The following CIBAR2 variants were observed in gnomAD, a reference collection of about 807,000 sequenced individuals.
CIBAR2 encodes the protein CBY1 interacting BAR domain containing 2.
Under a neutral mutation model 36.2 loss-of-function variants are expected in CIBAR2, and 38 were observed. The ratio of observed to expected loss-of-function variants is 1.05; its 90% CI spans 0.81 to 1.38. The LOEUF is 1.38. Among genes scored for constraint, CIBAR2 ranks in the 40% most tolerant of loss-of-function variants. The pLI is 0.00. For missense variants in CIBAR2, 481 were observed against 383.4 expected (o/e 1.25, Z -2.13); for synonymous variants, 182 against 149.5 (o/e 1.22, Z -1.58).
chr16:85,108,189 C>T (rs902966304), intron 2 of CIBAR2, 90 bp from the exon 3 acceptor site: 21 of 1,259,824 alleles, frequency 1.7e-5, no homozygotes, highest in South Asian at 1.5e-4. Context: ...ACCCGGGAGC[C>T]GCGTGTCCAG....
intron 5 of CIBAR2, among the ~76,000 whole-genome samples, chr16:85,106,588 A>T (rs2073997533): frequency 6.6e-6 from 1 of 152,080 alleles, no homozygotes; most frequent in South Asian, 2.1e-4. Flanking sequence ...AGGGGCCATG[A>T]GCCAAGGGAT....
intron 6 of CIBAR2, 119 bp from the exon 7 acceptor site, chr16:85,102,446 A>G: frequency 1.5e-6 from 1 of 671,326 alleles, no homozygotes; most frequent in Non-Finnish European, 2.7e-6. Context: ...GACAGGCCCC[A>G]GGTGGGGAGT....
intron 2 of CIBAR2, among the ~76,000 whole-genome samples, chr16:85,108,342 G>C (rs949948545): frequency 1.3e-5 from 2 of 152,224 alleles, no homozygotes; most frequent in African/African-American, 4.8e-5. Flanking sequence ...TTCCTCACCT[G>C]TCAAATGAGG....
intron 1 of CIBAR2, among the ~76,000 whole-genome samples, chr16:85,110,679 A>C (rs1669459152): frequency 1.4e-5 from 2 of 146,286 alleles, no homozygotes; most frequent in Non-Finnish European, 3.0e-5. Flanking sequence ...AGGAATATAA[A>C]TGCGGGCTTG....
At chr16:85,103,930 C>A (rs2073974894) in intron 6 of CIBAR2, among the ~76,000 whole-genome samples, 1 of 152,244 alleles carries the variant, frequency 6.6e-6, no homozygotes, top group Admixed American at 6.5e-5. Context: ...CCGTCCATCT[C>A]CTCCCGCCCC....
At chr16:85,102,623 G>C (rs2073964652) in intron 6 of CIBAR2, among the ~76,000 whole-genome samples, 1 of 152,100 alleles carries the variant, frequency 6.6e-6, no homozygotes, top group African/African-American at 2.4e-5. Flanking sequence ...ACCAGCCTGG[G>C]CAACATGGTG....
intron 6 of CIBAR2, among the ~76,000 whole-genome samples, chr16:85,102,887 G>C (rs2073966584): frequency 6.7e-6 from 1 of 149,482 alleles, no homozygotes; most frequent in South Asian, 2.1e-4. Context: ...ATCGGTCCTG[G>C]AGATCTCTTC....
intron 2 of CIBAR2, among the ~76,000 whole-genome samples, chr16:85,109,689 G>C (rs1249878837): frequency 6.6e-6 from 1 of 152,086 alleles, no homozygotes; most frequent in African/African-American, 2.4e-5. Context: ...TTTAGAGATG[G>C]AGTCTTGCTA....
intron 1 of CIBAR2, 58 bp from the exon 2 acceptor site, chr16:85,110,518 GC>G: frequency 7.6e-7 from 1 of 1,313,670 alleles, no homozygotes; most frequent in Non-Finnish European, 1.1e-6. Flanking sequence ...CCCCGGTCAT[GC>G]CAAGAGCAGA....
rs145871900 is a variant in CIBAR2 at position 85,103,760 on chromosome 16, A to T, written c.538-1433T>A. 3.9e-4 allele frequency among the ~76,000 whole-genome samples: 59 copies of T among 152,328 alleles called. 1 individual carries two copies. The highest frequency in any genetic ancestry group is 3.4e-3 in the Middle Eastern group (1 of 294). On this transcript the variant is annotated intron_variant, in intron 6 of 8. Transcript: ENST00000539556. Reference sequence around the variant, plus strand: ...TTCCACAAGCATTTACTGAATACCCACTAGGTGCCAGGCCCTGGACCCTGG... The same window carrying T: ...TTCCACAAGCATTTACTGAATACCCTCTAGGTGCCAGGCCCTGGACCCTGG...
At chr16:85,107,504 C>T (rs941780952) in intron 5 of CIBAR2, among the ~76,000 whole-genome samples, 163 bp downstream of exon 5, 1 of 152,184 alleles carries the variant, frequency 6.6e-6, no homozygotes, top group Non-Finnish European at 1.5e-5. Context: ...GGTCTCCAGA[C>T]CCCCAGAGCC....
In CIBAR2 at chr16:85,110,493, G is replaced by A. The variant is rs201586819; in HGVS notation, c.21-33C>T. 41 of 1,512,004 alleles carry A rather than the reference G, an allele frequency of 2.7e-5. 1 individual carries two copies. In the African/African-American group the frequency reaches 4.6e-4, roughly 17 times the overall value. The allele number at this position is 1,512,004 out of a possible 1,614,324, so 93.7% of individuals were successfully genotyped here. On this transcript the variant is annotated intron_variant, in intron 1 of 8. Transcript: ENST00000539556. ...GGCGGGGACCTGAGCAGCCATTCTG[G>A]GCAGAGATGCAGGGCCCCGGTCATG...
Position 85,099,086 on chromosome 16 carries a change from C to T in CIBAR2, c.*99G>A. On this transcript the variant is annotated 3_prime_UTR_variant, in exon 9 of 9. Coordinates refer to ENST00000539556, the MANE Select transcript of CIBAR2 (RefSeq NM_198491.3). ...ACAAGGTCTTTGAATTAACACAATC[C>T]AACAAAGACAAAGAAAAAAGAATCA... is the stretch of plus-strand genomic sequence containing the variant. The T allele has an allele frequency of 6.6e-6, 9 of 1,364,198 alleles. No homozygotes were observed. Among genetic ancestry groups the T allele is most frequent in the East Asian group, 2.6e-5 (1 of 38,074 alleles). 84.5% of individuals were successfully genotyped at this position (1,364,198 alleles called of 1,614,324 possible).
intron 8 of CIBAR2, 120 bp downstream of exon 8, chr16:85,100,019 C>G: frequency 1.3e-6 from 1 of 746,570 alleles, no homozygotes; most frequent in Admixed American, 2.6e-5. Flanking sequence ...GCCTCCTCAG[C>G]CTCCCATTTC....
chr16:85,110,412 CTTCTCGGTGTTGGCCACGGTA>C lies in CIBAR2; in HGVS notation c.48_68del (p.Asn16_Glu22del). On this transcript the variant is annotated inframe_deletion, in exon 2 of 9. Transcript: ENST00000539556. Reference sequence around the variant, plus strand: ...GCAGCGAGCAGAACTGCCCAAAGTACTTCTCGGTGTTGGCCACGGTATTCTCCATCACCCTCACCTGGCTGT... The same window carrying C: ...GCAGCGAGCAGAACTGCCCAAAGTACTTCTCCATCACCCTCACCTGGCTGT... 1 of 1,612,590 alleles carries C rather than the reference CTTCTCGGTGTTGGCCACGGTA, an allele frequency of 6.2e-7. No homozygotes were observed. The highest frequency in any genetic ancestry group is 8.5e-7 in the Non-Finnish European group (1 of 1,179,206).
chr16:85,107,734 C>T (rs1567561045), intron 4 of CIBAR2, 62 bp from the exon 5 acceptor site: 2 of 1,606,030 alleles, frequency 1.2e-6, no homozygotes, highest in East Asian at 2.2e-5. Context: ...GGTGGTCCGC[C>T]CCCTTCACAG....
chr16:85,105,200 G>T, intron 6 of CIBAR2, 127 bp downstream of exon 6: 1 of 581,346 alleles, frequency 1.7e-6, no homozygotes, highest in Non-Finnish European at 3.1e-6. Context: ...GCCTTCCAGT[G>T]CTCACACGTG....
At chr16:85,104,378 G>C (rs2073979026) in intron 6 of CIBAR2, among the ~76,000 whole-genome samples, 1 of 152,226 alleles carries the variant, frequency 6.6e-6, no homozygotes, top group Non-Finnish European at 1.5e-5. Flanking sequence ...ACCAGAGGGT[G>C]CTCAGCCCAG....
chr16:85,101,966 G>A (rs1315146036), intron 7 of CIBAR2, among the ~76,000 whole-genome samples: 1 of 151,972 alleles, frequency 6.6e-6, no homozygotes, highest in Non-Finnish European at 1.5e-5. Flanking sequence ...CCATGCCCCC[G>A]CCGATCCATT....
Sources: allele counts gnomAD v4.1 joint callset (sites outside exome capture counted in the v4.1 genomes callset), GRCh38; gene constraint gnomAD v4.1.1; transcripts MANE v1.5; gene names NCBI Gene and HGNC (gene_info 2026-07-23, HGNC 2026-07-21).